The following RGS3 variants were observed in gnomAD, a reference collection of about 807,000 sequenced individuals.
RGS3 encodes the protein regulator of G-protein signalling 3.
In RGS3, 80 loss-of-function variants were observed where a neutral mutation model predicts 132.6. The ratio of observed to expected loss-of-function variants is 0.60; its 90% CI spans 0.50 to 0.73. The LOEUF is 0.73. RGS3 is among the 30% of genes least tolerant of loss of function. RGS3 has a pLI of 0.00. For missense variants in RGS3, 1,382 were observed against 1,530.8 expected (o/e 0.90, Z 1.62); for synonymous variants, 598 against 620.6 (o/e 0.96, Z 0.54).
chr9:113,531,268 G>A (rs1214434226), intron 18 of RGS3, among the ~76,000 whole-genome samples: 2 of 152,206 alleles, frequency 1.3e-5, no homozygotes, highest in Non-Finnish European at 2.9e-5. Context: ...GGGTCCATGG[G>A]CACATTGGTC....
exon 25 of RGS3, chr9:113,596,866 C>T (rs1229490346): frequency 6.2e-7 from 1 of 1,613,760 alleles, no homozygotes; most frequent in Admixed American, 1.7e-5. Context: ...TCTTCGGGCT[C>T]ATGGAAAAGG....
chr9:113,479,681 A>C (rs746025685), intron 4 of RGS3, 140 bp downstream of exon 2: 314 of 771,818 alleles, frequency 4.1e-4, no homozygotes, highest in Non-Finnish European at 6.1e-4. Flanking sequence ...TCCATTGATA[A>C]AAGCCAGTAT....
At chr9:113,590,788 T>G (rs1395853826) in intron 20 of RGS3, among the ~76,000 whole-genome samples, 2 of 152,146 alleles carry the variant, frequency 1.3e-5, no homozygotes, top group African/African-American at 4.8e-5. Flanking sequence ...TCCAGTCGTG[T>G]TACGGAGTTT....
chr9:113,530,644 A>C (rs1832426709), intron 18 of RGS3, among the ~76,000 whole-genome samples: 1 of 152,204 alleles, frequency 6.6e-6, no homozygotes, highest in South Asian at 2.1e-4. Flanking sequence ...AGGTTGGGTT[A>C]GTTTTTTCCC....
chr9:113,478,008 G>A (rs1418202072), intron 3 of RGS3, among the ~76,000 whole-genome samples: 1 of 152,252 alleles, frequency 6.6e-6, no homozygotes, highest in Non-Finnish European at 1.5e-5. Context: ...AGGAAGAGGA[G>A]TGTGACCCTC....
At chr9:113,474,975 AG>A (rs1168929633) in intron 3 of RGS3, among the ~76,000 whole-genome samples, 1 of 152,030 alleles carries the variant, frequency 6.6e-6, no homozygotes, top group African/African-American at 2.4e-5. Flanking sequence ...TTCTCTACTG[AG>A]TATTGTCTGC....
chr9:113,593,760 TG>T (rs1835568858), intron 21 of RGS3: 3 of 676,668 alleles, frequency 4.4e-6, no homozygotes, highest in Non-Finnish European at 7.7e-6. Context: ...TGCTGAATTC[TG>T]CTGCCTCCTT....
At chr9:113,535,675 T>A (rs1272224606) in intron 18 of RGS3, among the ~76,000 whole-genome samples, 1 of 152,116 alleles carries the variant, frequency 6.6e-6, no homozygotes, top group Non-Finnish European at 1.5e-5. Context: ...ACCAGGCCTG[T>A]CCAACTGCAA....
At chr9:113,524,489 G>C (rs1832108346) in intron 17 of RGS3, among the ~76,000 whole-genome samples, 1 of 152,196 alleles carries the variant, frequency 6.6e-6, no homozygotes, top group Non-Finnish European at 1.5e-5. Flanking sequence ...GGTTTGCTCA[G>C]CTTCCTGCGA....
At chr9:113,494,826 T>G (rs1345681051) in intron 7 of RGS3, among the ~76,000 whole-genome samples, 1 of 152,174 alleles carries the variant, frequency 6.6e-6, no homozygotes, top group African/African-American at 2.4e-5. Flanking sequence ...TATTGGACAT[T>G]GAGCCTCAAT....
At chr9:113,529,927 T>C (rs12353541) in intron 18 of RGS3, among the ~76,000 whole-genome samples, 13,273 of 152,258 alleles carry the variant, frequency 0.087, 670 homozygotes, top group Non-Finnish European at 0.097. Flanking sequence ...AAAATATCAT[T>C]AAGGCTGGGG....
intron 20 of RGS3, among the ~76,000 whole-genome samples, chr9:113,585,501 G>A (rs527555844): frequency 9.9e-5 from 15 of 152,218 alleles, no homozygotes; most frequent in Admixed American, 3.3e-4. Flanking sequence ...GGTGCTCAGT[G>A]CCCATGGAGC....
chr9:113,533,041 G>A (rs1832537546), intron 18 of RGS3, among the ~76,000 whole-genome samples: 1 of 152,170 alleles, frequency 6.6e-6, no homozygotes, highest in African/African-American at 2.4e-5. Context: ...TTGGAGATGA[G>A]ATCCCAGCAT....
In RGS3 at chr9:113,565,136, T is replaced by TGAGCCACAGGG; in HGVS notation, c.2038-18311_2038-18301dup. ...TTGGGGCCAGCTTGGGCCCTGGGGA[T>TGAGCCACAGGG]GAGCCACAGGGGACCCACAGCCTAT... On this transcript the variant is annotated intron_variant, in intron 19 of 24. Transcript: ENST00000350696. The surrounding 1 kb of genome is among the most constrained non-coding windows in gnomAD (Gnocchi z 5.7). 1 of 1,178,548 alleles carries TGAGCCACAGGG rather than the reference T, an allele frequency of 8.5e-7. No individual in the cohort carries two copies. The highest frequency in any genetic ancestry group is 1.1e-6 in the Non-Finnish European group (1 of 935,820). The allele number at this position is 1,178,548 out of a possible 1,614,324, so 73.0% of individuals were successfully genotyped here.
intron 19 of RGS3, among the ~76,000 whole-genome samples, chr9:113,550,292 C>T (rs1004264969): frequency 1.3e-5 from 2 of 152,120 alleles, no homozygotes; most frequent in Non-Finnish European, 2.9e-5. Flanking sequence ...GAACTTGGGA[C>T]GTGGAGGTTG....
chr9:113,595,874 C>G, intron 24 of RGS3, 109 bp downstream of exon 22: 1 of 1,182,492 alleles, frequency 8.5e-7, no homozygotes, highest in Admixed American at 2.1e-5. Flanking sequence ...CAGAATGACT[C>G]CATGAGCCCA....
At chr9:113,544,821 A>T (rs1833044929) in intron 19 of RGS3, among the ~76,000 whole-genome samples, 1 of 152,238 alleles carries the variant, frequency 6.6e-6, no homozygotes, top group Admixed American at 6.5e-5. Context: ...ATTTCTGATA[A>T]AAAGGTTTGT....
intron 6 of RGS3, among the ~76,000 whole-genome samples, chr9:113,485,077 A>G (rs961742435): frequency 2.3e-5 from 3 of 128,068 alleles, no homozygotes; most frequent in African/African-American, 8.7e-5. Flanking sequence ...CTGTGTGTGT[A>G]TGTTTACAAA....
intron 3 of RGS3, among the ~76,000 whole-genome samples, chr9:113,471,900 G>A (rs1443803820): frequency 1.3e-5 from 2 of 152,076 alleles, no homozygotes; most frequent in Non-Finnish European, 2.9e-5. Context: ...CTAGGCAAGT[G>A]ATACAAAAAT....
Sources: gnomAD v4.1 joint callset for allele counts (sites outside exome capture counted in the v4.1 genomes callset) on GRCh38, gnomAD v4.1.1 for gene constraint, Gnocchi (gnomAD v3.1) non-coding constraint, MANE v1.5 for transcripts, NCBI Gene and HGNC (gene_info 2026-07-23, HGNC 2026-07-21) for gene names.